Variants in NCOA3 observed in about 807,000 individuals in gnomAD.
NCOA3 encodes the protein nuclear receptor coactivator 3.
In NCOA3, 51 loss-of-function variants were observed where a neutral mutation model predicts 158.8. The ratio of observed to expected loss-of-function variants is 0.32; its 90% confidence interval spans 0.26 to 0.41. The LOEUF is 0.41. Ranked by LOEUF, NCOA3 falls within the 10% of genes least tolerant of loss-of-function variation. NCOA3 has a pLI of 1.00. For missense variants in NCOA3, 1,510 were observed against 1,746.6 expected, an observed-to-expected ratio of 0.86 and a Z score of 2.41; for synonymous variants, 537 against 592.4, an observed-to-expected ratio of 0.91 and a Z score of 1.36.
At position 47,542,028 on chromosome 20, in the gene NCOA3, T is replaced by TTTGTTG. The variant is rs1555802260; in HGVS notation, c.-99+40022_-99+40027dup. 2.8e-3 allele frequency among the ~76,000 whole-genome samples: 226 copies of TTTGTTG among 81,328 alleles called. 3 individuals are homozygous for TTTGTTG. The highest frequency in any genetic ancestry group is 0.018 in the Middle Eastern group (2 of 110). The allele number at this position is 81,328 out of a possible 152,430, so 53.4% of individuals were successfully genotyped here. A position where few individuals can be genotyped will look rare whatever the true frequency, so the allele number is the denominator to read the frequency against. On this transcript the variant is annotated intron_variant, in intron 1 of 22. Transcript: ENST00000371998. ...TGTAGAGTTTTTTTTTTTTTTTTTT[T>TTTGTTG]TTGTTGTTGTTGTTGTTGGAGGGAC...
At chr20:47,539,743 T>G (rs1457040045) in intron 1 of NCOA3, among the ~76,000 whole-genome samples, 1 of 152,204 alleles carries the variant, frequency 6.6e-6, no homozygotes, top group Non-Finnish European at 1.5e-5. Context: ...TTACTAGGTC[T>G]CAAACTCCTG....
At chr20:47,532,815 A>T (rs2084567649) in intron 1 of NCOA3, among the ~76,000 whole-genome samples, 1 of 152,038 alleles carries the variant, frequency 6.6e-6, no homozygotes, top group Non-Finnish European at 1.5e-5. Flanking sequence ...TTCCAAAAAG[A>T]TCATTTGGCT....
chr20:47,570,939 T>TATAC lies in NCOA3; in HGVS notation c.-98-12243_-98-12242insTACA, dbSNP rs369516174. Among the ~76,000 whole-genome samples, 149 of 114,964 alleles carry TATAC rather than the reference T, an allele frequency of 1.3e-3. 2 individuals are homozygous for TATAC. The highest frequency in any genetic ancestry group is 4.6e-3 in the African/African-American group (132 of 28,524). The allele number at this position is 114,964 out of a possible 152,430, so 75.4% of individuals were successfully genotyped here. On this transcript the variant is annotated intron_variant, in intron 1 of 22. Coordinates refer to ENST00000371998, the MANE Select transcript of NCOA3 (RefSeq NM_181659.3). ...CACCGTTAATGAGCAGTAATATATA[T>TATAC]ACACACACACACACACACACACACA...
chr20:47,578,277 C>T (rs945168234), intron 1 of NCOA3, among the ~76,000 whole-genome samples: 4 of 151,574 alleles, frequency 2.6e-5, no homozygotes, highest in Non-Finnish European at 4.4e-5. Context: ...CCTCTGCCTA[C>T]GGGGTTCAAG....
intron 1 of NCOA3, among the ~76,000 whole-genome samples, chr20:47,579,434 AT>A (rs1392241002): frequency 1.3e-5 from 2 of 152,208 alleles, no homozygotes; most frequent in Admixed American, 6.5e-5. Flanking sequence ...ATTGATGAAA[AT>A]CTGAATTGTG....
chr20:47,513,553 C>T (rs570654748), intron 1 of NCOA3, among the ~76,000 whole-genome samples: 8 of 151,994 alleles, frequency 5.3e-5, no homozygotes, highest in South Asian at 4.2e-4. Context: ...TGGCAAAATG[C>T]GGTTTCTACT....
Position 47,656,396 on chromosome 20 carries a change from T to G in NCOA3, c.*2979T>G, listed in dbSNP as rs1314877030. On this transcript the variant is annotated 3_prime_UTR_variant, in exon 23 of 23. Transcript: ENST00000371998. ...ATTAGGGGTAGGGTATTACAGAAGA[T>G]AATTGGCTTGATGTCCTAGAAGTTC... is the stretch of plus-strand genomic sequence containing the variant. 1 of 152,164 alleles carries G rather than the reference T, an allele frequency of 6.6e-6. No homozygotes were observed. Among genetic ancestry groups the G allele is most frequent in the Non-Finnish European group, 1.5e-5 (1 of 68,038 alleles). The allele number at this position is 152,164 out of a possible 1,614,324, so 9.4% of individuals were successfully genotyped here. A position where few individuals can be genotyped will look rare whatever the true frequency, so the allele number is the denominator to read the frequency against.
chr20:47,583,991 A>AT (rs1344795384), intron 2 of NCOA3, among the ~76,000 whole-genome samples: 1 of 152,018 alleles, frequency 6.6e-6, no homozygotes. Context: ...AAAGGAGAAA[A>AT]TTTTAAGGAG....
Position 47,641,640 on chromosome 20 carries a change from A to C in NCOA3, c.3081-573A>C, listed in dbSNP as rs374528980. ...CAGCCTCCCGACTAGCTGGGGCTACAGGCGCTCACCACCACGCCTGGCTGA... is the reference window on the plus strand; with the variant it reads ...CAGCCTCCCGACTAGCTGGGGCTACCGGCGCTCACCACCACGCCTGGCTGA... On this transcript the variant is annotated intron_variant, in intron 16 of 22. Coordinates refer to ENST00000371998, the MANE Select transcript of NCOA3 (RefSeq NM_181659.3). 1.5e-4 allele frequency among the ~76,000 whole-genome samples: 23 copies of C among 151,202 alleles called. 1 individual carries two copies. The East Asian group carries it at 3.9e-3, about 26-fold the overall frequency.
Position 47,635,406 on chromosome 20 carries a change from C to T in NCOA3, c.1197C>T (p.Gly399=). ...PPMAGCNSSV[G]GMSMSPNQGL... ...TGGCTGGATGCAACAGTTCGGTAGG[C>T]GGCATGAGTATGTCGCCAAACCAAG... Residue 399 remains glycine (G), a synonymous_variant, in exon 11 of 23, where the codon GGC becomes GGT. Coordinates refer to ENST00000371998, the MANE Select transcript of NCOA3 (RefSeq NM_181659.3). 1 of 1,614,108 alleles carries T rather than the reference C, an allele frequency of 6.2e-7. No homozygotes were observed. Among genetic ancestry groups the T allele is most frequent in the Non-Finnish European group, 8.5e-7 (1 of 1,180,014 alleles).
chr20:47,505,267 C>G (rs553491374), intron 1 of NCOA3, among the ~76,000 whole-genome samples: 2 of 151,690 alleles, frequency 1.3e-5, no homozygotes, highest in African/African-American at 4.8e-5. Context: ...ACCATGTTGG[C>G]CAGGCTGGTC....
rs377014290 is a variant in NCOA3, at chr20:47,594,664, C to CAAAAAA, written c.-20+11429_-20+11434dup. On this transcript the variant is annotated intron_variant, in intron 2 of 22. Coordinates refer to ENST00000371998, the MANE Select transcript of NCOA3 (RefSeq NM_181659.3). ...TGGGCGACAGAGCGAGACTCTGTCT[C>CAAAAAA]AAAAAAAAAAAAAAAAAAAAAAAAA... Among the ~76,000 whole-genome samples, 127 of 72,936 alleles carry CAAAAAA rather than the reference C, an allele frequency of 1.7e-3. 6 individuals carry two copies. Among genetic ancestry groups the CAAAAAA allele is most frequent in the Non-Finnish European group, 2.2e-3 (91 of 40,714 alleles). 47.8% of individuals were successfully genotyped at this position (72,936 alleles called of 152,430 possible).
intron 1 of NCOA3, among the ~76,000 whole-genome samples, chr20:47,536,270 GC>G (rs1254747090): frequency 6.6e-6 from 1 of 152,076 alleles, no homozygotes; most frequent in African/African-American, 2.4e-5. Context: ...GCACCTACAT[GC>G]CCAGCTAATA....
At chr20:47,574,250 A>G (rs1484639914) in intron 1 of NCOA3, among the ~76,000 whole-genome samples, 1 of 152,190 alleles carries the variant, frequency 6.6e-6, no homozygotes, top group Non-Finnish European at 1.5e-5. Flanking sequence ...CATTTGGTGC[A>G]TAGGAAAAAG....
chr20:47,588,427 G>A (rs1054314494), intron 2 of NCOA3, among the ~76,000 whole-genome samples: 1 of 148,508 alleles, frequency 6.7e-6, no homozygotes, highest in African/African-American at 2.5e-5. Flanking sequence ...GAGCCACCAC[G>A]CCCGACCTCC....
chr20:47,581,235 A>G (rs1194496365), intron 1 of NCOA3, among the ~76,000 whole-genome samples: 1 of 152,212 alleles, frequency 6.6e-6, no homozygotes, highest in East Asian at 1.9e-4. Context: ...CTTCCCCTAG[A>G]TATCTCAGTA....
rs17788609 is a variant in NCOA3, at chr20:47,609,748, T to G, written c.-19-12481T>G. ...CGTCTCAAAAAAAAAAAAAAAGTTA[T>G]GGATCATGAAACTAACATTTGAATA... On this transcript the variant is annotated intron_variant, in intron 2 of 22. Transcript: ENST00000371998. 3.0e-4 allele frequency among the ~76,000 whole-genome samples: 46 copies of G among 151,924 alleles called. No homozygotes were observed. The East Asian group carries it at 8.1e-3, about 27-fold the overall frequency.
chr20:47,509,640 G>C (rs945952932), intron 1 of NCOA3, among the ~76,000 whole-genome samples: 5 of 152,106 alleles, frequency 3.3e-5, no homozygotes, highest in African/African-American at 1.2e-4. Flanking sequence ...GAGTGCAGTG[G>C]CTCCTGCCTG....
In NCOA3 at chr20:47,623,167, T is replaced by A. The variant is rs2086268700; in HGVS notation, c.84-744T>A. On this transcript the variant is annotated intron_variant, in intron 3 of 22. Coordinates refer to ENST00000371998, the MANE Select transcript of NCOA3 (RefSeq NM_181659.3). Reference sequence around the variant, plus strand: ...AATCTATATAACACTACTCTATAGCTTTTAAAGTATTTGCCAAAGTCAGTG... The same window carrying A: ...AATCTATATAACACTACTCTATAGCATTTAAAGTATTTGCCAAAGTCAGTG... The A allele has an allele frequency of 3.3e-5, 5 of 152,216 alleles. No homozygotes were observed. In the South Asian group the frequency reaches 1.0e-3, roughly 32 times the overall value. The allele number at this position is 152,216 out of a possible 1,614,324, so 9.4% of individuals were successfully genotyped here.
Sources: gnomAD v4.1 joint callset for allele counts (sites outside exome capture counted in the v4.1 genomes callset) on GRCh38, gnomAD v4.1.1 for gene constraint, MANE v1.5 for transcripts, NCBI Gene and HGNC (gene_info 2026-07-23, HGNC 2026-07-21) for gene names.